MICU1: variants seen among roughly 807,000 people sequenced by gnomAD.
MICU1 encodes mitochondrial calcium uptake 1.
MICU1 carries 45 observed loss-of-function variants against 56.8 expected under a neutral mutation model. That is an observed-to-expected ratio of 0.79 (90% CI 0.62 to 1.02). The LOEUF (loss-of-function observed/expected upper bound fraction) is 1.02, where lower values mean the gene tolerates loss of function less well. Ranked by LOEUF, MICU1 falls within the 50% of genes least tolerant of loss-of-function variation. MICU1 has a pLI of 0.00. For synonymous variants in MICU1, 186 were observed against 195.1 expected (o/e 0.95, Z 0.39); for missense variants, 504 against 587.1 (o/e 0.86, Z 1.46).
At chr10:72,408,071 C>T in intron 9 of MICU1, 34 bp from the exon 10 acceptor site, 10 of 1,456,314 alleles carry the variant, frequency 6.9e-6, no homozygotes, top group Non-Finnish European at 9.6e-6. Flanking sequence ...TAAGGCAGGA[C>T]CTGTAACAAA....
chr10:72,409,885 G>T (rs1413360391), intron 9 of MICU1, among the ~76,000 whole-genome samples: 1 of 152,100 alleles, frequency 6.6e-6, no homozygotes. Flanking sequence ...TTTAGGTCAA[G>T]GAACAGACTA....
chr10:72,581,773 T>A (rs1840905684), intron 1 of MICU1, among the ~76,000 whole-genome samples: 1 of 152,188 alleles, frequency 6.6e-6, no homozygotes, highest in Non-Finnish European at 1.5e-5. Flanking sequence ...GAGACTATAT[T>A]CTGGAAGATG....
rs966196424 is a variant in MICU1 at position 72,424,112 on chromosome 10, T to TCC, written c.934-743_934-742dup. On this transcript the variant is annotated intron_variant, in intron 8 of 11. Transcript: ENST00000361114. ...GTATCAACCTATAACAGTGACCATT[T>TCC]CCCCCCCACCTTTTTTTTTAAGACG... Among the ~76,000 whole-genome samples, 98 of 110,036 alleles carry TCC rather than the reference T, an allele frequency of 8.9e-4. 1 individual carries two copies. The highest frequency in any genetic ancestry group is 2.3e-3 in the African/African-American group (89 of 39,070). 72.2% of individuals were successfully genotyped at this position (110,036 alleles called of 152,430 possible).
intron 1 of MICU1, among the ~76,000 whole-genome samples, chr10:72,611,534 T>A: frequency 6.6e-6 from 1 of 151,744 alleles, no homozygotes; most frequent in Middle Eastern, 3.4e-3. Flanking sequence ...GGCAGGAGAA[T>A]TGCTTGAACC....
chr10:72,482,954 C>G (rs998436377), intron 6 of MICU1, among the ~76,000 whole-genome samples: 6 of 151,918 alleles, frequency 3.9e-5, no homozygotes, highest in African/African-American at 1.5e-4. Context: ...CTCCCGTGTT[C>G]AAGCGATTCT....
At chr10:72,458,019 T>C (rs1291072068) in intron 8 of MICU1, among the ~76,000 whole-genome samples, 3 of 151,800 alleles carry the variant, frequency 2.0e-5, no homozygotes, top group African/African-American at 7.3e-5. Flanking sequence ...AAATAAAAAT[T>C]AGCCACGCGT....
chr10:72,551,906 G>A (rs568879179), intron 3 of MICU1, among the ~76,000 whole-genome samples: 1 of 152,234 alleles, frequency 6.6e-6, no homozygotes, highest in East Asian at 1.9e-4. Flanking sequence ...AAAGTGCTGG[G>A]ATTACAGGAA....
chr10:72,541,759 C>T (rs138349231), intron 4 of MICU1, among the ~76,000 whole-genome samples: 2 of 152,278 alleles, frequency 1.3e-5, no homozygotes, highest in African/African-American at 4.8e-5. Context: ...ACAGCTGTAT[C>T]AGTTAATCAG....
intron 5 of MICU1, among the ~76,000 whole-genome samples, chr10:72,509,154 A>G (rs1389852333): frequency 6.6e-6 from 1 of 152,230 alleles, no homozygotes; most frequent in Non-Finnish European, 1.5e-5. Flanking sequence ...ATCCACCAAA[A>G]AGTTAGACTT....
intron 5 of MICU1, among the ~76,000 whole-genome samples, chr10:72,508,947 GT>G (rs1867351548): frequency 6.6e-6 from 1 of 152,018 alleles, no homozygotes; most frequent in Non-Finnish European, 1.5e-5. Context: ...CTACAACTTA[GT>G]TTTTACTCTA....
chr10:72,416,763 C>T (rs983449174), intron 9 of MICU1, among the ~76,000 whole-genome samples: 1 of 152,162 alleles, frequency 6.6e-6, no homozygotes, highest in African/African-American at 2.4e-5. Flanking sequence ...AAATCTTACT[C>T]GGTCTCTTCA....
At chr10:72,465,947 A>G (rs1865784005) in intron 8 of MICU1, among the ~76,000 whole-genome samples, 2 of 152,088 alleles carry the variant, frequency 1.3e-5, no homozygotes, top group South Asian at 4.1e-4. Context: ...CCTACTTCAT[A>G]ATTTCCCAGC....
In MICU1 at chr10:72,434,634, GAC is replaced by G. The variant is rs556594678; in HGVS notation, c.934-11265_934-11264del. ...ATTGTAAGAGTTTTGGAAACAGAGA[GAC>G]TGTCTGTTAGAACAAAATATAACAG... On this transcript the variant is annotated intron_variant, in intron 8 of 11. Coordinates refer to ENST00000361114, the MANE Select transcript of MICU1 (RefSeq NM_001195518.2). Among the ~76,000 whole-genome samples the G allele has an allele frequency of 2.0e-5, 3 of 152,326 alleles. No homozygotes were observed. In the South Asian group the frequency reaches 6.2e-4, roughly 32 times the overall value.
At chr10:72,537,062 A>C (rs1470601997) in intron 4 of MICU1, among the ~76,000 whole-genome samples, 1 of 152,240 alleles carries the variant, frequency 6.6e-6, no homozygotes, top group Non-Finnish European at 1.5e-5. Flanking sequence ...TATTAAAAAA[A>C]TGGTGAGGGG....
chr10:72,415,879 C>T (rs900756494), intron 9 of MICU1, among the ~76,000 whole-genome samples: 3 of 152,174 alleles, frequency 2.0e-5, no homozygotes, highest in Admixed American at 6.6e-5. Context: ...ACCCTGGTGC[C>T]GCCTTCCTAA....
rs148911636 is a variant in MICU1, at chr10:72,607,198, G to A, written c.-2+18812C>T. On this transcript the variant is annotated intron_variant, in intron 1 of 11. Transcript: ENST00000361114. Reference sequence around the variant, plus strand: ...TCTTCTAAAAATACAAAAATTAGCCGGGCGTCATGGCGCAAACCTGTAATC... The same window carrying A: ...TCTTCTAAAAATACAAAAATTAGCCAGGCGTCATGGCGCAAACCTGTAATC... Among the ~76,000 whole-genome samples the A allele has an allele frequency of 2.2e-3, 334 of 151,512 alleles. 1 individual carries two copies. The highest frequency in any genetic ancestry group is 3.3e-3 in the Non-Finnish European group (226 of 67,840).
intron 6 of MICU1, among the ~76,000 whole-genome samples, chr10:72,500,959 GA>G (rs1247502517): frequency 1.3e-5 from 2 of 152,250 alleles, no homozygotes; most frequent in Admixed American, 6.5e-5. Context: ...TTAGTGCAGA[GA>G]AGTAAGCTAC....
Position 72,552,553 on chromosome 10 carries a change from A to AT in MICU1, c.331-1213dup, listed in dbSNP as rs1327939333. On this transcript the variant is annotated intron_variant, in intron 3 of 11. Transcript: ENST00000361114. ...CTTTATTGATGTTTTATTTTATTTTATTTATTTATTTATTTTTTTGAGATG... is the reference window on the plus strand; with the variant it reads ...CTTTATTGATGTTTTATTTTATTTTATTTTATTTATTTATTTTTTTGAGATG... Among the ~76,000 whole-genome samples, 15 of 152,098 alleles carry AT rather than the reference A, an allele frequency of 9.9e-5. No individual in the cohort carries two copies. The East Asian group carries it at 1.4e-3, about 14-fold the overall frequency.
chr10:72,443,916 T>C (rs1348640376), intron 8 of MICU1, among the ~76,000 whole-genome samples: 2 of 151,822 alleles, frequency 1.3e-5, no homozygotes, highest in Non-Finnish European at 2.9e-5. Flanking sequence ...TAAAGACACA[T>C]GCACACGTAT....
Sources: allele counts gnomAD v4.1 joint callset (sites outside exome capture counted in the v4.1 genomes callset), GRCh38; gene constraint gnomAD v4.1.1; transcripts MANE v1.5; gene names NCBI Gene and HGNC (gene_info 2026-07-23, HGNC 2026-07-21).